The following TENM3 variants were observed in gnomAD, a reference collection of about 807,000 sequenced individuals.
The protein encoded by TENM3 is teneurin transmembrane protein 3, also known as teneurin-3.
Under a neutral mutation model 255.1 loss-of-function variants are expected in TENM3, and 63 were observed. That is an observed-to-expected ratio of 0.25 (90% CI 0.20 to 0.30). TENM3 has a LOEUF of 0.30. Among genes scored for constraint, TENM3 ranks in the 10% least tolerant of loss-of-function variants. The pLI is 1.00. For missense variants in TENM3, 2,929 were observed against 3,461.1 expected (o/e 0.85, Z 3.86); for synonymous variants, 1,306 against 1,322.3 (o/e 0.99, Z 0.27).
intron 3 of TENM3, among the ~76,000 whole-genome samples, chr4:182,562,979 CTTTAACAACT>C (rs1188835219): frequency 6.6e-6 from 1 of 152,106 alleles, no homozygotes; most frequent in African/African-American, 2.4e-5. Flanking sequence ...TTTACTTCTG[CTTTAACAACT>C]TTTTTTTTCC....
chr4:181,879,477 A>G, the TENM3 span, among the ~76,000 whole-genome samples: 2 of 152,180 alleles, frequency 1.3e-5, no homozygotes, highest in Admixed American at 6.6e-5. Flanking sequence ...CACTAGGTAG[A>G]ACTGACAGAA....
chr4:182,532,335 T>C (rs1739859313), intron 3 of TENM3, among the ~76,000 whole-genome samples: 1 of 152,214 alleles, frequency 6.6e-6, no homozygotes, highest in Non-Finnish European at 1.5e-5. Flanking sequence ...CCTAGAATAG[T>C]GACTGACACG....
chr4:182,544,458 G>C (rs1203461880), intron 3 of TENM3, among the ~76,000 whole-genome samples: 1 of 149,964 alleles, frequency 6.7e-6, no homozygotes, highest in Non-Finnish European at 1.5e-5. Context: ...AGTCTCTCGA[G>C]TAGCCGGGAT....
intron 3 of TENM3, among the ~76,000 whole-genome samples, chr4:182,362,240 C>G (rs1157172419): frequency 6.6e-6 from 1 of 152,126 alleles, no homozygotes; most frequent in Non-Finnish European, 1.5e-5. Flanking sequence ...AACCACTGCT[C>G]TCTTCAAAGC....
chr4:182,106,334 G>C, the TENM3 span, among the ~76,000 whole-genome samples: 1 of 152,064 alleles, frequency 6.6e-6, no homozygotes, highest in Non-Finnish European at 1.5e-5. Context: ...GGTAGCGCAC[G>C]CCTGTAGTCC....
chr4:182,800,884 G>A lies in TENM3; in HGVS notation c.*533G>A, dbSNP rs1030123796. The A allele has an allele frequency of 6.5e-6, 1 of 152,676 alleles. No homozygotes were observed. Among genetic ancestry groups the A allele is most frequent in the African/African-American group, 2.4e-5 (1 of 41,438 alleles). The allele number at this position is 152,676 out of a possible 1,614,324, so 9.5% of individuals were successfully genotyped here. A position where few individuals can be genotyped will look rare whatever the true frequency, so the allele number is the denominator to read the frequency against. On this transcript the variant is annotated 3_prime_UTR_variant, in exon 28 of 28. Coordinates refer to ENST00000511685, the MANE Select transcript of TENM3 (RefSeq NM_001080477.4). ...ACATTGGCACAGTGACTTCTGCGGC[G>A]GGGATTTATTAATGGATTTTACAAT...
the TENM3 span, among the ~76,000 whole-genome samples, chr4:181,573,464 A>T: frequency 2.0e-5 from 3 of 152,162 alleles, no homozygotes; most frequent in Non-Finnish European, 2.9e-5. Context: ...GTATAAAGCC[A>T]CATGACTAAT....
chr4:182,209,117 G>A (rs1367763892), intron 1 of TENM3, among the ~76,000 whole-genome samples: 3 of 151,858 alleles, frequency 2.0e-5, no homozygotes, highest in Non-Finnish European at 2.9e-5. Flanking sequence ...ACAGGTGCGC[G>A]GCACCATGCC....
chr4:181,763,188 TAAG>T, the TENM3 span, among the ~76,000 whole-genome samples: 219 of 152,264 alleles, frequency 1.4e-3, no homozygotes, highest in African/African-American at 5.1e-3. Context: ...TACAACAAAA[TAAG>T]AAGATTTTAC....
the TENM3 span, among the ~76,000 whole-genome samples, chr4:182,079,132 T>A: frequency 6.6e-6 from 1 of 152,218 alleles, no homozygotes; most frequent in Non-Finnish European, 1.5e-5. Flanking sequence ...GCTGGTGGAC[T>A]TTGTGTACTT....
At chr4:182,078,261 C>T in the TENM3 span, among the ~76,000 whole-genome samples, 1 of 152,116 alleles carries the variant, frequency 6.6e-6, no homozygotes, top group African/African-American at 2.4e-5. Flanking sequence ...CAGTGGCTCA[C>T]ACCTTTAATC....
intron 3 of TENM3, among the ~76,000 whole-genome samples, chr4:182,455,310 C>T (rs987652902): frequency 6.6e-6 from 1 of 152,150 alleles, no homozygotes; most frequent in Admixed American, 6.5e-5. Flanking sequence ...CTTCAGTTCT[C>T]CTTAGACTAA....
At chr4:182,165,037 CTAAT>C (rs970584728) in intron 1 of TENM3, among the ~76,000 whole-genome samples, 10 of 152,176 alleles carry the variant, frequency 6.6e-5, no homozygotes, top group Non-Finnish European at 1.5e-4. Flanking sequence ...TTGCCCCAAA[CTAAT>C]TAATTCAGAA....
chr4:182,081,326 C>T, the TENM3 span, among the ~76,000 whole-genome samples: 1 of 152,048 alleles, frequency 6.6e-6, no homozygotes, highest in Non-Finnish European at 1.5e-5. Flanking sequence ...CCTGTCACAC[C>T]TGTAATCCCA....
intron 3 of TENM3, among the ~76,000 whole-genome samples, chr4:182,553,636 G>T (rs1027881559): frequency 6.6e-6 from 1 of 151,980 alleles, no homozygotes; most frequent in Admixed American, 6.6e-5. Flanking sequence ...TCCTTTGCTC[G>T]GTTGCATATT....
At chr4:182,722,120 C>A (rs1183542759) in intron 13 of TENM3, among the ~76,000 whole-genome samples, 1 of 152,076 alleles carries the variant, frequency 6.6e-6, no homozygotes, top group Non-Finnish European at 1.5e-5. Context: ...CTAAGTAGAG[C>A]CTTTCTGAGA....
chr4:182,301,273 T>G (rs1376997704), intron 1 of TENM3, among the ~76,000 whole-genome samples: 1 of 152,212 alleles, frequency 6.6e-6, no homozygotes, highest in African/African-American at 2.4e-5. Context: ...ATTTTTTCCT[T>G]CTTTTACTTA....
chr4:182,597,424 C>G (rs922481279), intron 3 of TENM3, among the ~76,000 whole-genome samples: 1 of 151,930 alleles, frequency 6.6e-6, no homozygotes, highest in Non-Finnish European at 1.5e-5. Flanking sequence ...AAGAAAAAAA[C>G]AAACTTAAAA....
At chr4:181,739,643 A>G in the TENM3 span, among the ~76,000 whole-genome samples, 1 of 152,142 alleles carries the variant, frequency 6.6e-6, no homozygotes, top group Non-Finnish European at 1.5e-5. Flanking sequence ...CTCATCAGAG[A>G]AGCTAGGTGA....
Sources: allele counts gnomAD v4.1 joint callset (sites outside exome capture counted in the v4.1 genomes callset), GRCh38; gene constraint gnomAD v4.1.1; transcripts MANE v1.5; gene names NCBI Gene and HGNC (gene_info 2026-07-23, HGNC 2026-07-21).